CCSER1: variants seen among roughly 807,000 people sequenced by gnomAD.
CCSER1 encodes the protein coiled-coil serine rich protein 1, also known as serine-rich coiled-coil domain-containing protein 1.
A neutral mutation model predicts 82.0 loss-of-function variants in CCSER1; 41 were observed. The ratio of observed to expected loss-of-function variants is 0.50; its 90% confidence interval spans 0.39 to 0.65. The LOEUF (loss-of-function observed/expected upper bound fraction) is 0.65, where lower values mean the gene tolerates loss of function less well. Ranked by LOEUF, CCSER1 falls within the 30% of genes least tolerant of loss-of-function variation. The probability of loss-of-function intolerance (pLI) is 0.00; values close to 1 mark genes in which losing one functional copy is unlikely to be tolerated. For synonymous variants in CCSER1, 414 were observed against 383.9 expected, an observed-to-expected ratio of 1.08 and a Z score of -0.92; for missense variants, 1,119 against 1,064.2, an observed-to-expected ratio of 1.05 and a Z score of -0.72.
chr4:90,994,244 C>T (rs1737296700), intron 9 of CCSER1, among the ~76,000 whole-genome samples: 1 of 151,974 alleles, frequency 6.6e-6, no homozygotes, highest in Non-Finnish European at 1.5e-5. Context: ...AAAATGCATT[C>T]AATATACCTA....
At chr4:91,058,999 T>C (rs1333168253) in intron 9 of CCSER1, among the ~76,000 whole-genome samples, 1 of 151,992 alleles carries the variant, frequency 6.6e-6, no homozygotes, top group East Asian at 1.9e-4. Context: ...AAGCACAAGA[T>C]ACCAAATCTA....
chr4:90,837,382 T>C (rs1185931378), intron 8 of CCSER1, among the ~76,000 whole-genome samples: 1 of 152,156 alleles, frequency 6.6e-6, no homozygotes, highest in Admixed American at 6.5e-5. Context: ...CACAATACAT[T>C]TTATGTCCCT....
intron 10 of CCSER1, among the ~76,000 whole-genome samples, chr4:91,433,687 C>T (rs1052654199): frequency 6.6e-6 from 1 of 152,254 alleles, no homozygotes; most frequent in East Asian, 1.9e-4. Flanking sequence ...TACCATAGAG[C>T]ATAGGTATGC....
intron 5 of CCSER1, among the ~76,000 whole-genome samples, chr4:90,542,245 G>T (rs1315012920): frequency 6.6e-6 from 1 of 152,090 alleles, no homozygotes; most frequent in Non-Finnish European, 1.5e-5. Flanking sequence ...AAATGACCAA[G>T]AGTAATATAG....
chr4:90,409,594 AC>A (rs1362093898), intron 4 of CCSER1, among the ~76,000 whole-genome samples: 1 of 152,198 alleles, frequency 6.6e-6, no homozygotes, highest in African/African-American at 2.4e-5. Flanking sequence ...AGATTTTGTC[AC>A]CACCAGACCT....
At chr4:90,822,705 G>C (rs1561199058) in intron 8 of CCSER1, among the ~76,000 whole-genome samples, 2 of 148,452 alleles carry the variant, frequency 1.3e-5, no homozygotes, top group Admixed American at 1.3e-4. Context: ...TCCAGCCTGG[G>C]GGACAGAGTG....
At chr4:91,480,250 A>G (rs1275185260) in intron 10 of CCSER1, among the ~76,000 whole-genome samples, 1 of 152,190 alleles carries the variant, frequency 6.6e-6, no homozygotes, top group Non-Finnish European at 1.5e-5. Context: ...TCCTTTGGGT[A>G]TATACCCAGT....
chr4:90,412,786 C>T (rs1755091640), intron 4 of CCSER1, among the ~76,000 whole-genome samples: 1 of 152,068 alleles, frequency 6.6e-6, no homozygotes, highest in Non-Finnish European at 1.5e-5. Context: ...TATGACAGAC[C>T]CACAGACAAC....
chr4:91,469,736 G>A (rs1178376593), intron 10 of CCSER1, among the ~76,000 whole-genome samples: 5 of 152,040 alleles, frequency 3.3e-5, no homozygotes, highest in Non-Finnish European at 7.4e-5. Context: ...ATTCTACATT[G>A]GATCTATGAT....
intron 7 of CCSER1, among the ~76,000 whole-genome samples, chr4:90,791,975 T>C (rs1023294099): frequency 5.3e-5 from 8 of 152,232 alleles, no homozygotes; most frequent in African/African-American, 1.4e-4. Context: ...TTTACTTTAT[T>C]GCAGTTGCCT....
chr4:91,496,616 A>AATATATATT lies in CCSER1; in HGVS notation c.2218-101956_2218-101955insATATATATT, dbSNP rs1279142591. ...AATATATATTTGAATATATATATAC[A>AATATATATT]CGAATATATATTTGAATATATATAT... On this transcript the variant is annotated intron_variant, in intron 10 of 10. Transcript: ENST00000509176. Among the ~76,000 whole-genome samples the AATATATATT allele has an allele frequency of 6.6e-3, 139 of 21,028 alleles. 37 individuals carry two copies. Among genetic ancestry groups the AATATATATT allele is most frequent in the African/African-American group, 0.017 (126 of 7,322 alleles). The allele number at this position is 21,028 out of a possible 152,430, so 13.8% of individuals were successfully genotyped here.
intron 4 of CCSER1, among the ~76,000 whole-genome samples, chr4:90,444,380 C>A (rs1178866471): frequency 1.3e-5 from 2 of 151,900 alleles, no homozygotes; most frequent in South Asian, 2.1e-4. Context: ...AAGCATTGAC[C>A]CTGTGCCACC....
chr4:91,348,412 G>C (rs1218723563), intron 10 of CCSER1, among the ~76,000 whole-genome samples: 1 of 152,066 alleles, frequency 6.6e-6, no homozygotes, highest in Non-Finnish European at 1.5e-5. Context: ...CTATGTTCCT[G>C]AGAGATATTG....
At position 90,234,831 on chromosome 4, in the gene CCSER1, A is replaced by T. The variant is rs540479649; in HGVS notation, c.-41-73413A>T. On this transcript the variant is annotated intron_variant, in intron 1 of 10. Coordinates refer to ENST00000509176, the MANE Select transcript of CCSER1 (RefSeq NM_001145065.2). ...GTAACTCACTTTTAAAAACTGTGTG[A>T]TAATTAAATGGCAGTCCTTAGTTTT... Among the ~76,000 whole-genome samples, 7 of 152,298 alleles carry T rather than the reference A, an allele frequency of 4.6e-5. 1 individual carries two copies. In the South Asian group the frequency reaches 1.4e-3, roughly 32 times the overall value.
chr4:90,759,776 T>A (rs1453872901), intron 7 of CCSER1, among the ~76,000 whole-genome samples: 2 of 152,194 alleles, frequency 1.3e-5, no homozygotes, highest in East Asian at 3.8e-4. Flanking sequence ...ATTTAATTCT[T>A]TCTGATAATT....
chr4:91,109,274 A>G (rs1462239732), intron 10 of CCSER1, among the ~76,000 whole-genome samples: 3 of 152,058 alleles, frequency 2.0e-5, no homozygotes, highest in Non-Finnish European at 2.9e-5. Context: ...AGTTCCCCTA[A>G]TATATCCCCT....
At chr4:91,438,793 G>A (rs1240618835) in intron 10 of CCSER1, among the ~76,000 whole-genome samples, 1 of 152,230 alleles carries the variant, frequency 6.6e-6, no homozygotes, top group Non-Finnish European at 1.5e-5. Context: ...TAAAGGAGCT[G>A]ATGGAGCTGA....
In CCSER1 at chr4:90,862,907, C is replaced by CTTTT. The variant is rs548953621; in HGVS notation, c.2094+47076_2094+47079dup. Among the ~76,000 whole-genome samples the CTTTT allele has an allele frequency of 4.9e-4, 60 of 122,084 alleles. 1 individual carries two copies. Among genetic ancestry groups the CTTTT allele is most frequent in the Middle Eastern group, 9.3e-3 (2 of 214 alleles). The allele number at this position is 122,084 out of a possible 152,430, so 80.1% of individuals were successfully genotyped here. A position where few individuals can be genotyped will look rare whatever the true frequency, so the allele number is the denominator to read the frequency against. On this transcript the variant is annotated intron_variant, in intron 8 of 10. Transcript: ENST00000509176. ...ACTACAGGAGCACACTATTTTTTGT[C>CTTTT]TTTTTTTTTTTTTTTTTGAGAAACA... is the stretch of plus-strand genomic sequence containing the variant.
At chr4:90,864,469 T>C (rs1765490774) in intron 8 of CCSER1, among the ~76,000 whole-genome samples, 1 of 151,926 alleles carries the variant, frequency 6.6e-6, no homozygotes, top group South Asian at 2.1e-4. Flanking sequence ...AGTTTTCTTA[T>C]ACTATCTCTG....
Sources: allele counts gnomAD v4.1 joint callset (sites outside exome capture counted in the v4.1 genomes callset), GRCh38; gene constraint gnomAD v4.1.1; transcripts MANE v1.5; gene names NCBI Gene and HGNC (gene_info 2026-07-23, HGNC 2026-07-21).